Variants in THSD4 observed in about 807,000 individuals in gnomAD.
THSD4 encodes thrombospondin type-1 domain-containing protein 4.
THSD4 carries 69 observed loss-of-function variants against 119.0 expected under a neutral mutation model. The observed-to-expected ratio is 0.58, with a 90% CI of 0.48 to 0.71. THSD4 has a LOEUF of 0.71. Among genes scored for constraint, THSD4 ranks in the 30% least tolerant of loss-of-function variants. The pLI is 0.00. For missense variants in THSD4, 1,393 were observed against 1,391.1 expected (o/e 1.00, Z -0.02); for synonymous variants, 524 against 540.4 (o/e 0.97, Z 0.42).
chr15:71,141,692 G>C, intron 2 of THSD4, 136 bp downstream of exon 2: 1 of 1,051,914 alleles, frequency 9.5e-7, no homozygotes, highest in Non-Finnish European at 1.3e-6. Flanking sequence ...ACGTCCACTT[G>C]TGTAAAAGTT....
intron 6 of THSD4, among the ~76,000 whole-genome samples, chr15:71,271,658 C>A (rs959179833): frequency 6.6e-6 from 1 of 152,112 alleles, no homozygotes; most frequent in African/African-American, 2.4e-5. Context: ...ATTCTCTTTT[C>A]CCTTTTCTCT....
At chr15:71,280,750 G>T (rs934446537) in intron 6 of THSD4, among the ~76,000 whole-genome samples, 3 of 152,028 alleles carry the variant, frequency 2.0e-5, no homozygotes, top group Admixed American at 2.0e-4. Flanking sequence ...TGTTTTGGAG[G>T]TGTGTCTAAA....
rs78879657 is a variant in THSD4, at chr15:71,489,257, A to G, written c.1152+77434A>G. On this transcript the variant is annotated intron_variant, in intron 7 of 17. Coordinates refer to ENST00000261862, the MANE Select transcript of THSD4 (RefSeq NM_024817.3). ...TTAGTTGCAGCTAGTTGTTAGAATC[A>G]TATTCTTTTTCTGGATTTTGGTGGT... 4.9e-3 allele frequency among the ~76,000 whole-genome samples: 740 copies of G among 152,326 alleles called. 5 individuals carry two copies. Among genetic ancestry groups the G allele is most frequent in the African/African-American group, 0.016 (674 of 41,576 alleles).
At chr15:71,351,417 A>G (rs919907138) in intron 6 of THSD4, among the ~76,000 whole-genome samples, 5 of 152,184 alleles carry the variant, frequency 3.3e-5, no homozygotes, top group Non-Finnish European at 7.3e-5. Flanking sequence ...ACAGACATGT[A>G]CTATAGACCC....
At chr15:71,695,135 T>G (rs538409740) in intron 8 of THSD4, among the ~76,000 whole-genome samples, 2 of 152,338 alleles carry the variant, frequency 1.3e-5, no homozygotes, top group South Asian at 4.1e-4. Flanking sequence ...CAGAGGCCCT[T>G]CCACAGGCTG....
At chr15:71,341,281 G>A (rs1205041818) in intron 6 of THSD4, 1 of 1,597,632 alleles carries the variant, frequency 6.3e-7, no homozygotes, top group Non-Finnish European at 8.5e-7. Context: ...TCTCAATGTG[G>A]CAGGGAGAGC....
chr15:71,635,364 AAC>A (rs10565218), intron 7 of THSD4, among the ~76,000 whole-genome samples: 84,773 of 149,982 alleles, frequency 0.57, 24,174 homozygotes, highest in African/African-American at 0.62. Context: ...AGTGGGTGGG[AAC>A]ACACACACAC....
At chr15:71,100,415 T>C (rs140494428) in intron 1 of THSD4, among the ~76,000 whole-genome samples, 11 of 152,172 alleles carry the variant, frequency 7.2e-5, no homozygotes, top group African/African-American at 2.4e-4. Context: ...AGAAATGAAA[T>C]TGTCTGAACA....
At chr15:71,756,010 T>C (rs986336150) in intron 14 of THSD4, among the ~76,000 whole-genome samples, 1 of 152,100 alleles carries the variant, frequency 6.6e-6, no homozygotes, top group African/African-American at 2.4e-5. Context: ...GAAGGAGGTA[T>C]GGGGGATAGG....
intron 7 of THSD4, among the ~76,000 whole-genome samples, chr15:71,452,303 C>T (rs563320372): frequency 1.3e-5 from 2 of 152,046 alleles, no homozygotes; most frequent in Non-Finnish European, 2.9e-5. Context: ...GAAGGAGGAC[C>T]CAAGTCCCTG....
Position 71,102,255 on chromosome 15 carries a change from T to C in THSD4, c.-80+5249T>C, listed in dbSNP as rs75762971. On this transcript the variant is annotated intron_variant, in intron 1 of 17. Transcript: ENST00000355327. ...TCACTGAGTTTCTTCAATTTCCATG[T>C]TCATGTCTTTTGTGAAATGTGATGT... is the stretch of plus-strand genomic sequence containing the variant. 1.9e-3 allele frequency among the ~76,000 whole-genome samples: 285 copies of C among 152,288 alleles called. 1 individual carries two copies. The highest frequency in any genetic ancestry group is 6.6e-3 in the African/African-American group (276 of 41,554).
intron 1 of THSD4, among the ~76,000 whole-genome samples, chr15:71,101,368 C>T (rs958927510): frequency 4.6e-5 from 7 of 152,312 alleles, no homozygotes; most frequent in African/African-American, 1.7e-4. Flanking sequence ...TTGGCATCCC[C>T]TGTTTACGTA....
At chr15:71,435,176 CTTAG>C (rs552866984) in intron 7 of THSD4, among the ~76,000 whole-genome samples, 1 of 151,032 alleles carries the variant, frequency 6.6e-6, no homozygotes, top group Non-Finnish European at 1.5e-5. Flanking sequence ...TTTTTTTCTT[CTTAG>C]TTAAAGGATT....
chr15:71,547,557 G>C, intron 7 of THSD4: 7 of 1,509,746 alleles, frequency 4.6e-6, no homozygotes, highest in Non-Finnish European at 6.2e-6. Context: ...CTACCAAGAG[G>C]GATCAGGGAA....
intron 3 of THSD4, chr15:71,187,544 CT>C (rs1298941448): frequency 1.3e-5 from 2 of 152,644 alleles, no homozygotes; most frequent in African/African-American, 2.4e-5. Flanking sequence ...AAGGCTCATT[CT>C]CTCTGAGAAA....
intron 1 of THSD4, among the ~76,000 whole-genome samples, chr15:71,104,414 C>T (rs916561774): frequency 4.6e-5 from 7 of 152,272 alleles, no homozygotes; most frequent in Non-Finnish European, 5.9e-5. Context: ...GCATGCCCTA[C>T]GATTTAATTC....
At chr15:71,177,797 A>G (rs565167686) in intron 3 of THSD4, among the ~76,000 whole-genome samples, 1 of 147,732 alleles carries the variant, frequency 6.8e-6, no homozygotes, top group African/African-American at 2.5e-5. Context: ...CACCATGATC[A>G]AGTGGGCTTC....
At chr15:71,726,405 G>A (rs2052838982) in intron 8 of THSD4, among the ~76,000 whole-genome samples, 1 of 152,138 alleles carries the variant, frequency 6.6e-6, no homozygotes, top group South Asian at 2.1e-4. Context: ...TATTTTAGTG[G>A]TACCTACTGA....
Position 71,154,883 on chromosome 15 carries a change from T to A in THSD4, c.50T>A (p.Leu17Gln), listed in dbSNP as rs781543413. 6.2e-7 allele frequency: 1 copy of A among 1,614,198 alleles called. No individual in the cohort carries two copies. Among genetic ancestry groups the A allele is most frequent in the Admixed American group, 1.7e-5 (1 of 60,032 alleles). Reference protein sequence around the residue: ...GSLSVLCFLLLLGFQFVCPQP... With the variant: ...GSLSVLCFLLQLGFQFVCPQP... Reference sequence around the variant, plus strand: ...TTCAGTGTCCTGTGTTTCCTTCTGCTGCTTGGATTCCAGTTCGTCTGCCCA... The same window carrying A: ...TTCAGTGTCCTGTGTTTCCTTCTGCAGCTTGGATTCCAGTTCGTCTGCCCA... Residue 17 changes from leucine (L) to glutamine (Q), a missense_variant, in exon 3 of 18, where the codon CTG (leucine) becomes CAG (glutamine). Leu to Gln is a moderately radical substitution (Grantham distance 113). Transcript: ENST00000261862.
Sources: allele counts gnomAD v4.1 joint callset (sites outside exome capture counted in the v4.1 genomes callset), GRCh38; gene constraint gnomAD v4.1.1; transcripts MANE v1.5; gene names NCBI Gene and HGNC (gene_info 2026-07-23, HGNC 2026-07-21).